Variants in COL23A1 observed in about 807,000 individuals in gnomAD.
COL23A1 encodes collagen alpha-1(XXIII) chain.
COL23A1 carries 97 observed loss-of-function variants against 99.3 expected under a neutral mutation model. The observed-to-expected ratio is 0.98, with a 90% CI of 0.83 to 1.16. COL23A1 has a LOEUF of 1.16. Ranked by LOEUF, COL23A1 falls within the 50% of genes most tolerant of loss-of-function variation. The pLI, the probability that COL23A1 is intolerant of heterozygous loss-of-function variation, is 0.00. For missense variants in COL23A1, 762 were observed against 757.4 expected (o/e 1.01, Z -0.07); for synonymous variants, 320 against 308.2 (o/e 1.04, Z -0.40).
chr5:178,466,183 C>T lies in COL23A1; in HGVS notation c.361+94499G>A, dbSNP rs562167507. On this transcript the variant is annotated intron_variant, in intron 2 of 28. Coordinates refer to ENST00000390654, the MANE Select transcript of COL23A1 (RefSeq NM_173465.4). ...GTTGGAGGCCTTCTAAATGCCTCTC[C>T]AGCCTCCTCCCTCCTCTCGGCCTCC... 3.9e-5 allele frequency among the ~76,000 whole-genome samples: 6 copies of T among 152,246 alleles called. No individual in the cohort carries two copies. The East Asian group carries it at 1.2e-3, about 30-fold the overall frequency.
Position 178,242,097 on chromosome 5 carries a change from A to G in COL23A1, c.1526T>C (p.Val509Ala). ...GERGVPGRKG[V>A]KGQKGEPGPP... is the part of the protein sequence containing the mutation. ...TCCCGGCTCGCCCTTCTGGCCCTTC[A>G]CTCCTTTCCGGCCGGGGACCCCTCG... The change falls in exon 27 of 29, where the codon GTG becomes GCG. Residue 509 changes from valine (V) to alanine (A), a missense_variant. Physicochemically the swap from Val to Ala is moderately conservative, Grantham distance 64. Coordinates refer to ENST00000390654, the MANE Select transcript of COL23A1 (RefSeq NM_173465.4). 1.3e-6 allele frequency: 2 copies of G among 1,552,506 alleles called. No individual in the cohort carries two copies.
chr5:178,328,350 G>T (rs970625315), intron 2 of COL23A1, among the ~76,000 whole-genome samples: 1 of 151,972 alleles, frequency 6.6e-6, no homozygotes, highest in Non-Finnish European at 1.5e-5. Flanking sequence ...TCATCCAAGG[G>T]GCCTTTCTAA....
At chr5:178,539,092 G>A (rs1321365288) in intron 2 of COL23A1, among the ~76,000 whole-genome samples, 6 of 152,186 alleles carry the variant, frequency 3.9e-5, no homozygotes, top group East Asian at 1.9e-4. Context: ...AGGGGTTAAC[G>A]GCTAAGGGGA....
At chr5:178,360,170 AATTCTTCGC>A (rs1762099442) in intron 2 of COL23A1, among the ~76,000 whole-genome samples, 1 of 151,982 alleles carries the variant, frequency 6.6e-6, no homozygotes, top group African/African-American at 2.4e-5. Flanking sequence ...AGTGGCCCCA[AATTCTTCGC>A]CAGACCAAGC....
intron 2 of COL23A1, among the ~76,000 whole-genome samples, chr5:178,464,508 T>C (rs1243802590): frequency 1.3e-5 from 2 of 152,164 alleles, no homozygotes. Context: ...TTAGACACAA[T>C]AAATAGCTTC....
At chr5:178,371,149 T>A (rs917124206) in intron 2 of COL23A1, among the ~76,000 whole-genome samples, 1 of 152,174 alleles carries the variant, frequency 6.6e-6, no homozygotes, top group Non-Finnish European at 1.5e-5. Flanking sequence ...ATAGACAATG[T>A]TTGTCAATTA....
In COL23A1 at chr5:178,348,199, G is replaced by A. The variant is rs1761099440; in HGVS notation, c.362-41280C>T. ...CTTGGCCTCTCCACCTGCCGCCCAGGGCTTGGGCGGGCTCTTCCCAGCAGC... is the reference window on the plus strand; with the variant it reads ...CTTGGCCTCTCCACCTGCCGCCCAGAGCTTGGGCGGGCTCTTCCCAGCAGC... On this transcript the variant is annotated intron_variant, in intron 2 of 28. Transcript: ENST00000390654. Among the ~76,000 whole-genome samples, 4 of 152,200 alleles carry A rather than the reference G, an allele frequency of 2.6e-5. No individual in the cohort carries two copies. In the South Asian group the frequency reaches 8.3e-4, roughly 32 times the overall value.
chr5:178,335,841 G>A (rs1760287965), intron 2 of COL23A1, among the ~76,000 whole-genome samples: 1 of 152,236 alleles, frequency 6.6e-6, no homozygotes, highest in African/African-American at 2.4e-5. Context: ...CACTGGCAAA[G>A]TTCTTGCAAA....
chr5:178,447,889 C>A (rs1467642450), intron 2 of COL23A1, among the ~76,000 whole-genome samples: 1 of 152,146 alleles, frequency 6.6e-6, no homozygotes, highest in Admixed American at 6.5e-5. Context: ...AAGGGGCTGA[C>A]TCCCGTTTCT....
intron 2 of COL23A1, among the ~76,000 whole-genome samples, chr5:178,503,014 T>G (rs1581518528): frequency 6.6e-6 from 1 of 152,182 alleles, no homozygotes; most frequent in African/African-American, 2.4e-5. Flanking sequence ...TCAGGAACGT[T>G]AGAAAAACCC....
At chr5:178,577,324 C>A (rs1763425861) in intron 1 of COL23A1, among the ~76,000 whole-genome samples, 1 of 152,206 alleles carries the variant, frequency 6.6e-6, no homozygotes. Flanking sequence ...CCTGTTGGAT[C>A]AGGGCCCCCC....
At position 178,257,292 on chromosome 5, in the gene COL23A1, C is replaced by T. The variant is rs570102245; in HGVS notation, c.774+231G>A. Among the ~76,000 whole-genome samples the T allele has an allele frequency of 5.9e-5, 9 of 152,254 alleles. No homozygotes were observed. The South Asian group carries it at 1.5e-3, about 25-fold the overall frequency. On this transcript the variant is annotated intron_variant, in intron 13 of 28. Transcript: ENST00000390654. The stretch of plus-strand genomic sequence containing the variant: ...GGGACAGGGCAGAGAGTGAGGCCCC[C>T]TAAGATGGAAACAAGAGGGCTTGAG...
intron 2 of COL23A1, among the ~76,000 whole-genome samples, chr5:178,385,458 T>C (rs1489031094): frequency 6.6e-6 from 1 of 152,216 alleles, no homozygotes. Context: ...TTGCCCCTTA[T>C]TTCTCTTAGG....
At position 178,242,114 on chromosome 5, in the gene COL23A1, G is replaced by A; in HGVS notation, c.1509C>T (p.Val503=). The part of the protein sequence containing the change: ...SERGEKGERG[V]PGRKGVKGQK... ...GGCCCTTCACTCCTTTCCGGCCGGG[G>A]ACCCCTCGTTCTCCCTGTGCAGGAG... Residue 503 remains valine, a synonymous_variant, in exon 27 of 29, where the codon GTC becomes GTT. Coordinates refer to ENST00000390654, the MANE Select transcript of COL23A1 (RefSeq NM_173465.4). 1.3e-6 allele frequency: 2 copies of A among 1,553,148 alleles called. No homozygotes were observed. Among genetic ancestry groups the A allele is most frequent in the Non-Finnish European group, 1.7e-6 (2 of 1,148,010 alleles).
intron 2 of COL23A1, among the ~76,000 whole-genome samples, chr5:178,484,711 G>T (rs1371610416): frequency 1.3e-5 from 2 of 151,336 alleles, no homozygotes; most frequent in Non-Finnish European, 2.9e-5. Flanking sequence ...AGTCCCAGCT[G>T]CTCAGGAGGC....
intron 2 of COL23A1, among the ~76,000 whole-genome samples, chr5:178,382,787 C>A (rs78576845): frequency 3.3e-5 from 5 of 152,188 alleles, no homozygotes; most frequent in African/African-American, 4.8e-5. Flanking sequence ...GGTTCAGAAG[C>A]GCCCTGGCTC....
intron 2 of COL23A1, among the ~76,000 whole-genome samples, chr5:178,478,801 T>C (rs1410056803): frequency 1.3e-5 from 2 of 152,148 alleles, no homozygotes; most frequent in Non-Finnish European, 2.9e-5. Context: ...TACCAGAGCC[T>C]TCTGGGTGCC....
rs572768603 is a variant in COL23A1 at position 178,288,803 on chromosome 5, C to T, written c.415-453G>A. ...CTTAGAAGCCAGGAATATCGGGGGGCGTTCACTGTGGCTGCATGCTTCTCT... is the reference window on the plus strand; with the variant it reads ...CTTAGAAGCCAGGAATATCGGGGGGTGTTCACTGTGGCTGCATGCTTCTCT... On this transcript the variant is annotated intron_variant, in intron 4 of 28. Coordinates refer to ENST00000390654, the MANE Select transcript of COL23A1 (RefSeq NM_173465.4). Among the ~76,000 whole-genome samples the T allele has an allele frequency of 7.3e-5, 11 of 150,392 alleles. No individual in the cohort carries two copies. The East Asian group carries it at 1.6e-3, about 22-fold the overall frequency.
chr5:178,269,202 AT>A (rs1446424946), intron 6 of COL23A1, among the ~76,000 whole-genome samples: 2 of 150,306 alleles, frequency 1.3e-5, no homozygotes, highest in Non-Finnish European at 3.0e-5. Flanking sequence ...TTCCTTTCTT[AT>A]TTCTTAAAAA....
Sources: gnomAD v4.1 joint callset for allele counts (sites outside exome capture counted in the v4.1 genomes callset) on GRCh38, gnomAD v4.1.1 for gene constraint, MANE v1.5 for transcripts, NCBI Gene and HGNC (gene_info 2026-07-23, HGNC 2026-07-21) for gene names.